The following RBFOX1 variants were observed in gnomAD, a reference collection of about 807,000 sequenced individuals.
The protein encoded by RBFOX1 is RNA binding protein fox-1 homolog 1.
RBFOX1 carries 8 observed loss-of-function variants against 57.7 expected under a neutral mutation model. The ratio of observed to expected loss-of-function variants is 0.14; its 90% CI spans 0.08 to 0.25. The LOEUF (loss-of-function observed/expected upper bound fraction) is 0.25. Among genes scored for constraint, RBFOX1 ranks in the 10% least tolerant of loss-of-function variants. RBFOX1 has a pLI of 1.00. For synonymous variants in RBFOX1, 326 were observed against 222.4 expected, an observed-to-expected ratio of 1.47 and a Z score of -4.15; for missense variants, 611 against 548.5, an observed-to-expected ratio of 1.11 and a Z score of -1.14.
intron 1 of RBFOX1, among the ~76,000 whole-genome samples, chr16:5,283,437 T>A (rs2063319995): frequency 6.6e-6 from 1 of 152,056 alleles, no homozygotes; most frequent in Non-Finnish European, 1.5e-5. Context: ...AAACACTCAA[T>A]GCCAACCAGT....
rs60641174 is a variant in RBFOX1 at position 6,151,736 on chromosome 16, A to G, written c.-127+131744A>G. 6.6e-3 allele frequency among the ~76,000 whole-genome samples: 1,006 copies of G among 152,334 alleles called. 10 individuals are homozygous for G. The highest frequency in any genetic ancestry group is 0.021 in the East Asian group (110 of 5,192). On this transcript the variant is annotated intron_variant, in intron 1 of 15. Transcript: ENST00000550418. Reference sequence around the variant, plus strand: ...GGCACTGCTGTGAACCAGGAAAACTACACAGTGTGGGTATGAGGGAGTGAA... The same window carrying G: ...GGCACTGCTGTGAACCAGGAAAACTGCACAGTGTGGGTATGAGGGAGTGAA...
At chr16:7,539,724 G>C (rs530116481) in intron 5 of RBFOX1, among the ~76,000 whole-genome samples, 8 of 152,298 alleles carry the variant, frequency 5.3e-5, no homozygotes, top group African/African-American at 1.9e-4. Flanking sequence ...TGGCGACCAA[G>C]TGCATGATAG....
chr16:5,740,286 C>T (rs77439627), intron 3 of RBFOX1, among the ~76,000 whole-genome samples: 1 of 152,162 alleles, frequency 6.6e-6, no homozygotes, highest in Non-Finnish European at 1.5e-5. Context: ...AGCATCCAGT[C>T]ACCAAACACT....
intron 4 of RBFOX1, among the ~76,000 whole-genome samples, chr16:7,226,890 A>T (rs1467658388): frequency 6.6e-6 from 1 of 152,196 alleles, no homozygotes; most frequent in African/African-American, 2.4e-5. Flanking sequence ...TAACTTGCAG[A>T]TACAGTGGGG....
At chr16:7,063,975 G>A (rs896080957) in intron 4 of RBFOX1, among the ~76,000 whole-genome samples, 4 of 152,112 alleles carry the variant, frequency 2.6e-5, no homozygotes, top group African/African-American at 9.7e-5. Context: ...CCATGGATAT[G>A]GAGGAACAAC....
intron 2 of RBFOX1, among the ~76,000 whole-genome samples, chr16:5,598,333 G>A (rs573584227): frequency 8.5e-4 from 130 of 152,180 alleles, no homozygotes; most frequent in Non-Finnish European, 1.6e-3. Flanking sequence ...CAGCATCCTC[G>A]GTCTGGGACG....
intron 3 of RBFOX1, among the ~76,000 whole-genome samples, chr16:5,731,060 C>T (rs1597009468): frequency 6.7e-6 from 1 of 148,742 alleles, no homozygotes; most frequent in Middle Eastern, 3.4e-3. Flanking sequence ...CCATTGTCAC[C>T]AATGTAAGCA....
intron 1 of RBFOX1, among the ~76,000 whole-genome samples, chr16:6,121,079 C>G (rs559920686): frequency 6.6e-6 from 1 of 152,214 alleles, no homozygotes; most frequent in African/African-American, 2.4e-5. Context: ...TCAACCATAT[C>G]TTGATAACAA....
chr16:5,599,179 G>T (rs189542092), exon 3 of RBFOX1: 2 of 705,468 alleles, frequency 2.8e-6, no homozygotes, highest in South Asian at 3.0e-5. Context: ...CATGGTGTGA[G>T]AGCTGTATTC....
chr16:7,493,572 G>C (rs1324665203), intron 4 of RBFOX1, among the ~76,000 whole-genome samples: 3 of 147,528 alleles, frequency 2.0e-5, no homozygotes, highest in Middle Eastern at 3.4e-3. Flanking sequence ...GGAACACAGA[G>C]GTGTAGAGTC....
chr16:6,258,994 A>G lies in RBFOX1; in HGVS notation c.-126-58001A>G, dbSNP rs557097664. 4.7e-4 allele frequency among the ~76,000 whole-genome samples: 72 copies of G among 152,350 alleles called. 1 individual carries two copies. The South Asian group carries it at 0.012, about 26-fold the overall frequency. On this transcript the variant is annotated intron_variant, in intron 1 of 15. Transcript: ENST00000550418. ...ATTTACAACATTAGATGACTGATAC[A>G]GAATAACAAGATATAGACTTTCTTA...
intron 1 of RBFOX1, among the ~76,000 whole-genome samples, chr16:5,281,348 T>C (rs1428679714): frequency 6.6e-6 from 1 of 152,208 alleles, no homozygotes; most frequent in Non-Finnish European, 1.5e-5. Flanking sequence ...TCCTAGCATA[T>C]GGTCTATCCT....
chr16:6,569,627 T>C lies in RBFOX1; in HGVS notation c.-63-84976T>C, dbSNP rs144523239. On this transcript the variant is annotated intron_variant, in intron 2 of 15. Coordinates refer to ENST00000550418, the MANE Select transcript of RBFOX1 (RefSeq NM_018723.4). The stretch of plus-strand genomic sequence containing the variant: ...AATCTACTTTTCTGTTGCAGAAGTT[T>C]CATGGGCTCTGTCAACCTTTCTGTC... Among the ~76,000 whole-genome samples the C allele has an allele frequency of 3.0e-4, 46 of 152,338 alleles. No homozygotes were observed. In the East Asian group the frequency reaches 8.7e-3, roughly 29 times the overall value.
chr16:6,856,894 CAG>C lies in RBFOX1; in HGVS notation c.-15-195159_-15-195158del, dbSNP rs1372973413. Among the ~76,000 whole-genome samples the C allele has an allele frequency of 4.0e-5, 6 of 150,778 alleles. No homozygotes were observed. In the East Asian group the frequency reaches 1.2e-3, roughly 29 times the overall value. ...TAATTCTGCTGCAAAATGTTAGAGA[CAG>C]AGAAAGGGAAAAGAAAGAAAGAGAA... On this transcript the variant is annotated intron_variant, in intron 3 of 15. Transcript: ENST00000550418.
At chr16:6,830,836 A>C (rs537254197) in intron 3 of RBFOX1, among the ~76,000 whole-genome samples, 1 of 152,328 alleles carries the variant, frequency 6.6e-6, no homozygotes, top group East Asian at 1.9e-4. Context: ...ACTTTACAAT[A>C]TCTGAATCAC....
At chr16:6,475,411 G>A (rs571469899) in intron 2 of RBFOX1, among the ~76,000 whole-genome samples, 2 of 152,316 alleles carry the variant, frequency 1.3e-5, no homozygotes, top group South Asian at 4.1e-4. Flanking sequence ...TACGCTTCAG[G>A]AATGAGGGTC....
intron 3 of RBFOX1, among the ~76,000 whole-genome samples, chr16:6,902,444 C>T (rs141434704): frequency 3.9e-4 from 59 of 152,102 alleles, no homozygotes; most frequent in African/African-American, 1.2e-3. Flanking sequence ...GGTGGTTTTG[C>T]CAGGTGCAAA....
At chr16:7,126,520 T>C in intron 4 of RBFOX1, 1 of 219,692 alleles carries the variant, frequency 4.6e-6, no homozygotes, top group East Asian at 1.1e-4. Context: ...ATGTTTTGAA[T>C]ACAAATTTCT....
At chr16:5,962,675 G>C (rs1411068733) in intron 4 of RBFOX1, among the ~76,000 whole-genome samples, 1 of 152,136 alleles carries the variant, frequency 6.6e-6, no homozygotes, top group African/African-American at 2.4e-5. Flanking sequence ...ACAGATCGTA[G>C]AAGGTGACTA....
Sources: allele counts gnomAD v4.1 joint callset (sites outside exome capture counted in the v4.1 genomes callset), GRCh38; gene constraint gnomAD v4.1.1; transcripts MANE v1.5; gene names NCBI Gene and HGNC (gene_info 2026-07-23, HGNC 2026-07-21).